The following PRG4 variants were observed in gnomAD, a reference collection of about 807,000 sequenced individuals.
The protein encoded by PRG4 is articular superficial zone protein.
Under a neutral mutation model 91.2 loss-of-function variants are expected in PRG4, and 61 were observed. The ratio of observed to expected loss-of-function variants is 0.67; its 90% confidence interval spans 0.54 to 0.83. The LOEUF (loss-of-function observed/expected upper bound fraction) is 0.83. Ranked by LOEUF, PRG4 falls within the 40% of genes least tolerant of loss-of-function variation. The pLI is 0.00. For synonymous variants in PRG4, 576 were observed against 614.2 expected (o/e 0.94, Z 0.92); for missense variants, 1,564 against 1,714.2 (o/e 0.91, Z 1.55).
rs1257394806 is a variant in PRG4, at chr1:186,306,638, G to A, written c.919G>A (p.Ala307Thr). Residue 307 changes from alanine to threonine, a missense_variant, in exon 7 of 13, where the codon GCT becomes ACT. Ala to Thr is a moderately conservative substitution (Grantham distance 58, BLOSUM62 0). Coordinates refer to ENST00000445192, the MANE Select transcript of PRG4 (RefSeq NM_005807.6). ...STDGKEKTTS[A>T]KETQSIEKTS... ...TGATGGAAAAGAGAAGACTACTTCCGCTAAAGAGACACAAAGTATAGAGAA... is the reference window on the plus strand; with the variant it reads ...TGATGGAAAAGAGAAGACTACTTCCACTAAAGAGACACAAAGTATAGAGAA... The A allele has an allele frequency of 2.5e-6, 4 of 1,613,326 alleles. No homozygotes were observed. Among genetic ancestry groups the A allele is most frequent in the South Asian group, 1.1e-5 (1 of 91,088 alleles).
rs772710281 is a variant in PRG4 at position 186,312,177 on chromosome 1, GGCAGCATTCAGCAGTATA to G, written c.3797_3814del (p.Gly1266_Ile1272delinsVal). 1 of 1,613,328 alleles carries G rather than the reference GGCAGCATTCAGCAGTATA, an allele frequency of 6.2e-7. No individual in the cohort carries two copies. The highest frequency in any genetic ancestry group is 1.1e-5 in the South Asian group (1 of 91,032). On this transcript the variant is annotated inframe_deletion, in exon 11 of 13. Transcript: ENST00000445192. Reference sequence around the variant, plus strand: ...TGTGATATTCTAATACATAACAGGTGGCAGCATTCAGCAGTATATTTATAAACAGGAACCTGTACAGAA... The same window carrying G: ...TGTGATATTCTAATACATAACAGGTGTTTATAAACAGGAACCTGTACAGAA...
At position 186,306,560 on chromosome 1, in the gene PRG4, GA is replaced by G; in HGVS notation, c.842del (p.Glu281GlyfsTer33). On this transcript the variant is annotated frameshift_variant, in exon 7 of 13. Transcript: ENST00000445192. LOFTEE classifies it high-confidence loss of function. ...AGAGACGTCTTTGACAGTGAATAAA[GA>G]GACAACAGTTGAAACTAAAGAAACT... ...SKETSLTVNK[E>X]TTVETKETTT... 6.2e-7 allele frequency: 1 copy of G among 1,613,382 alleles called. No individual in the cohort carries two copies. The highest frequency in any genetic ancestry group is 8.5e-7 in the Non-Finnish European group (1 of 1,179,538).
chr1:186,307,220 A>C lies in PRG4; in HGVS notation c.1501A>C (p.Thr501Pro), dbSNP rs770668104. The C allele has an allele frequency of 6.4e-7, 1 of 1,561,330 alleles. No homozygotes were observed. Among genetic ancestry groups the C allele is most frequent in the Non-Finnish European group, 8.6e-7 (1 of 1,157,994 alleles). Residue 501 changes from threonine (T) to proline (P), a missense_variant, in exon 7 of 13, where the codon ACC becomes CCC. Transcript: ENST00000445192. ...APTTPKEPAPTTPKEPAPTTT... is the reference protein window; with the variant it reads ...APTTPKEPAPPTPKEPAPTTT... ...AACTACCCCCAAGGAGCCTGCACCC[A>C]CCACTCCCAAGGAGCCTGCACCCAC...
At chr1:186,298,995 C>G (rs921584068) in intron 2 of PRG4, among the ~76,000 whole-genome samples, 6 of 152,126 alleles carry the variant, frequency 3.9e-5, no homozygotes, top group African/African-American at 1.4e-4. Context: ...CATATTCAGA[C>G]TTTGGCATTC....
chr1:186,313,700 T>G lies in PRG4; in HGVS notation c.4137T>G (p.Asp1379Glu). Residue 1379 changes from aspartate to glutamate, a missense_variant, in exon 13 of 13, where the codon GAT becomes GAG. Asp to Glu is a conservative substitution (Grantham distance 45). Coordinates refer to ENST00000445192, the MANE Select transcript of PRG4 (RefSeq NM_005807.6). ...AFSKDQYYNI[D>E]VPSRTARAIT... ...ATTTAGATCAATACTATAACATTGA[T>G]GTGCCTAGTAGAACAGCAAGAGCAA... 1 of 1,603,684 alleles carries G rather than the reference T, an allele frequency of 6.2e-7. No homozygotes were observed. Among genetic ancestry groups the G allele is most frequent in the Non-Finnish European group, 8.5e-7 (1 of 1,170,690 alleles).
Position 186,312,750 on chromosome 1 carries a change from T to C in PRG4, c.3992-19T>C. On this transcript the variant is annotated intron_variant, in intron 11 of 12. Transcript: ENST00000445192. Reference sequence around the variant, plus strand: ...TTGCCTTTTAATCTGGTATCTTTTATTAAACATGCCACTTACAGGTGTCCT... The same window carrying C: ...TTGCCTTTTAATCTGGTATCTTTTACTAAACATGCCACTTACAGGTGTCCT... The C allele has an allele frequency of 6.2e-7, 1 of 1,611,458 alleles. No homozygotes were observed. The highest frequency in any genetic ancestry group is 1.1e-5 in the South Asian group (1 of 91,038).
At chr1:186,305,929 G>A (rs1041273947) in intron 6 of PRG4, among the ~76,000 whole-genome samples, 1 of 152,190 alleles carries the variant, frequency 6.6e-6, no homozygotes, top group African/African-American at 2.4e-5. Context: ...GGTGCAGCAA[G>A]ATGGTAGTAC....
At chr1:186,299,383 C>T (rs907026073) in intron 2 of PRG4, among the ~76,000 whole-genome samples, 3 of 152,206 alleles carry the variant, frequency 2.0e-5, no homozygotes, top group African/African-American at 7.2e-5. Context: ...TATGCTGGTG[C>T]AACCAGCGTG....
chr1:186,297,048 A>G, intron 2 of PRG4, 97 bp downstream of exon 2: 1 of 1,136,312 alleles, frequency 8.8e-7, no homozygotes, highest in Non-Finnish European at 1.3e-6. Context: ...AAAAATTTAT[A>G]TTTGCTTGAG....
At position 186,308,513 on chromosome 1, in the gene PRG4, A is replaced by AC. The variant is rs773183338; in HGVS notation, c.2795dup (p.Ala933CysfsTer4). On this transcript the variant is annotated frameshift_variant, in exon 7 of 13. Transcript: ENST00000445192. LOFTEE classifies it high-confidence loss of function. ...CTTACGTACTACACCTGAAACTACAACTGCTGCACCTAAGATGACAAAAGA... is the reference window on the plus strand; with the variant it reads ...CTTACGTACTACACCTGAAACTACAACCTGCTGCACCTAAGATGACAAAAGA... 8 of 1,613,796 alleles carry AC rather than the reference A, an allele frequency of 5.0e-6. No individual in the cohort carries two copies. The highest frequency in any genetic ancestry group is 6.8e-6 in the Non-Finnish European group (8 of 1,180,032).
chr1:186,296,945 T>A lies in PRG4; in HGVS notation c.70T>A (p.Ser24Thr), dbSNP rs1193135769. ...LSVFVIQQVS[S>T]QDLSSCAGRC... ...TGTTTTCGTGATTCAGCAAGTTTCA[T>A]CTCAAGGTAGCTTAACCATCGAACA... Residue 24 changes from serine (S) to threonine (T), a missense_variant, in exon 2 of 13, where the codon TCT becomes ACT. Around this residue, in one of 3 missense-constraint regions of PRG4, gnomAD observed 437 missense variants for 459.0 expected, o/e 0.95. Transcript: ENST00000445192. The A allele has an allele frequency of 6.2e-7, 1 of 1,612,946 alleles. No homozygotes were observed. The highest frequency in any genetic ancestry group is 2.2e-5 in the East Asian group (1 of 44,860).
At position 186,313,945 on chromosome 1, in the gene PRG4, C is replaced by CA. The variant is rs1657472164; in HGVS notation, c.*168dup. The CA allele has an allele frequency of 6.2e-7, 1 of 1,605,502 alleles. No individual in the cohort carries two copies. Among genetic ancestry groups the CA allele is most frequent in the African/African-American group, 1.3e-5 (1 of 74,726 alleles). ...CTAAAACAGATTTGATAATCTTATT[C>CA]ACAGTTGTTATTGTTTACAGACCAT... On this transcript the variant is annotated 3_prime_UTR_variant, in exon 13 of 13. Coordinates refer to ENST00000445192, the MANE Select transcript of PRG4 (RefSeq NM_005807.6).
At chr1:186,311,906 A>G (rs1468066515) in intron 10 of PRG4, 8 of 540,970 alleles carry the variant, frequency 1.5e-5, no homozygotes, top group South Asian at 6.9e-5. Flanking sequence ...CAGTTTTAGT[A>G]TATGTGCTGC....
intron 6 of PRG4, 73 bp from the exon 7 acceptor site, chr1:186,306,245 A>G (rs1413432605): frequency 8.1e-7 from 1 of 1,230,214 alleles, no homozygotes; most frequent in East Asian, 2.5e-5. Flanking sequence ...TCAATGATAA[A>G]GATGGGATCT....
intron 6 of PRG4, among the ~76,000 whole-genome samples, chr1:186,306,062 A>G (rs941421289): frequency 1.1e-4 from 16 of 152,176 alleles, no homozygotes; most frequent in African/African-American, 3.9e-4. Context: ...GTAATTTTGA[A>G]CTTGCCACTG....
Position 186,301,727 on chromosome 1 carries a change from C to T in PRG4, c.319+16C>T. The T allele has an allele frequency of 6.2e-7, 1 of 1,612,176 alleles. No homozygotes were observed. The highest frequency in any genetic ancestry group is 8.5e-7 in the Non-Finnish European group (1 of 1,178,302). ...TGTGCAGAAGGTAAGCATCACAGTACCAACCAATGCTTCTCAGTACAGCCA... is the reference window on the plus strand; with the variant it reads ...TGTGCAGAAGGTAAGCATCACAGTATCAACCAATGCTTCTCAGTACAGCCA... On this transcript the variant is annotated intron_variant, in intron 4 of 12. Transcript: ENST00000445192.
chr1:186,311,434 T>G lies in PRG4; in HGVS notation c.3637-6T>G, dbSNP rs1224519479. 1 of 1,612,036 alleles carries G rather than the reference T, an allele frequency of 6.2e-7. No individual in the cohort carries two copies. Among genetic ancestry groups the G allele is most frequent in the African/African-American group, 1.3e-5 (1 of 74,862 alleles). On this transcript the variant is annotated splice_region_variant and splice_polypyrimidine_tract_variant and intron_variant, in intron 9 of 12. Coordinates refer to ENST00000445192, the MANE Select transcript of PRG4 (RefSeq NM_005807.6). The stretch of plus-strand genomic sequence containing the variant: ...GATAACATAATTTTCTCTTTTAAAT[T>G]ATCAGGATTCTCAGTACTGGCGTTT...
intron 3 of PRG4, among the ~76,000 whole-genome samples, chr1:186,300,535 A>T (rs1447082197): frequency 2.0e-5 from 3 of 152,232 alleles, no homozygotes; most frequent in African/African-American, 7.2e-5. Flanking sequence ...ACTGTGAGTC[A>T]GGAGTCATTA....
At position 186,306,401 on chromosome 1, in the gene PRG4, A is replaced by G. The variant is rs773772433; in HGVS notation, c.682A>G (p.Asn228Asp). Residue 228 changes from asparagine to aspartate, a missense_variant, in exon 7 of 13, where the codon AAT (asparagine) becomes GAT (aspartate). Asn to Asp is a conservative substitution (Grantham distance 23). This residue lies in a region of PRG4 where 437 missense variants were observed against 459.0 expected (regional missense o/e 0.95). Coordinates refer to ENST00000445192, the MANE Select transcript of PRG4 (RefSeq NM_005807.6). ...VVDEAGSGLD[N>D]GDFKVTTPDT... is the part of the protein sequence containing the mutation. ...AGATGAAGCTGGAAGTGGATTGGAC[A>G]ATGGTGACTTCAAGGTCACAACTCC... is the stretch of plus-strand genomic sequence containing the variant. The G allele has an allele frequency of 1.2e-6, 2 of 1,613,296 alleles. No individual in the cohort carries two copies. Among genetic ancestry groups the G allele is most frequent in the Non-Finnish European group, 1.7e-6 (2 of 1,179,508 alleles).
Sources: gnomAD v4.1 joint callset for allele counts (sites outside exome capture counted in the v4.1 genomes callset) on GRCh38, gnomAD v4.1.1 for gene constraint, gnomAD v4.1.1 regional missense constraint, MANE v1.5 for transcripts, NCBI Gene and HGNC (gene_info 2026-07-23, HGNC 2026-07-21) for gene names.